WASHC2A: variants seen among roughly 807,000 people sequenced by gnomAD.
WASHC2A encodes WASH complex subunit 2A, also known as WASH complex subunit FAM21A.
Under a neutral mutation model 140.3 loss-of-function variants are expected in WASHC2A, and 82 were observed. The observed-to-expected ratio is 0.58, with a 90% CI of 0.49 to 0.70. The LOEUF (loss-of-function observed/expected upper bound fraction) is 0.70, where lower values mean the gene tolerates loss of function less well. Ranked by LOEUF, WASHC2A falls within the 30% of genes least tolerant of loss-of-function variation. The pLI is 0.00. For missense variants in WASHC2A, 985 were observed against 1,521.8 expected (o/e 0.65, Z 5.87); for synonymous variants, 340 against 560.8 (o/e 0.61, Z 5.56).
At position 50,126,192 on chromosome 10, in the gene WASHC2A, C is replaced by T. The variant is rs1335488438; in HGVS notation, c.2811+13C>T. 1 of 1,612,968 alleles carries T rather than the reference C, an allele frequency of 6.2e-7. No homozygotes were observed. The highest frequency in any genetic ancestry group is 8.5e-7 in the Non-Finnish European group (1 of 1,179,696). ...GGAAACACCTCAGGTTAGAAATCCT[C>T]TTTAAGGATTTTCAGCTCTTGTTTG... is the stretch of plus-strand genomic sequence containing the variant. On this transcript the variant is annotated intron_variant, in intron 26 of 30. Coordinates refer to ENST00000282633, the MANE Select transcript of WASHC2A (RefSeq NM_001005751.3).
intron 21 of WASHC2A, 58 bp from the exon 22 acceptor site, chr10:50,117,848 A>C (rs1357512629): frequency 1.0e-6 from 1 of 992,386 alleles, no homozygotes; most frequent in African/African-American, 1.6e-5. Flanking sequence ...GTATATGGCC[A>C]TGCTGGTCAG....
At chr10:50,075,462 C>G (rs1407564591) in intron 3 of WASHC2A, among the ~76,000 whole-genome samples, 2 of 152,000 alleles carry the variant, frequency 1.3e-5, no homozygotes, top group African/African-American at 4.8e-5. Flanking sequence ...GGCTGGAGTT[C>G]AGTGGTGGAG....
At chr10:50,128,939 C>G (rs1336872618) in intron 28 of WASHC2A, among the ~76,000 whole-genome samples, 1 of 151,674 alleles carries the variant, frequency 6.6e-6, no homozygotes, top group African/African-American at 2.4e-5. Flanking sequence ...TAGATTACCT[C>G]TCTTTATTGT....
chr10:50,090,317 T>C (rs2669829), intron 8 of WASHC2A, among the ~76,000 whole-genome samples: 92,927 of 146,668 alleles, frequency 0.63, 29,695 homozygotes, highest in Middle Eastern at 0.72. Flanking sequence ...GCCTAGACAA[T>C]ATGGTGAAAC....
At chr10:50,082,461 G>C (rs1838989587) in intron 5 of WASHC2A, among the ~76,000 whole-genome samples, 1 of 143,864 alleles carries the variant, frequency 7.0e-6, no homozygotes, top group Admixed American at 7.2e-5. Flanking sequence ...GCTGTGCAAG[G>C]GTGGAGCACT....
At position 50,129,937 on chromosome 10, in the gene WASHC2A, G is replaced by T. The variant is rs1843791351; in HGVS notation, c.3606G>T (p.Leu1202=). The T allele has an allele frequency of 1.2e-6, 2 of 1,611,814 alleles. No homozygotes were observed. Among genetic ancestry groups the T allele is most frequent in the South Asian group, 2.2e-5 (2 of 90,980 alleles). Residue 1202 remains leucine (L), a synonymous_variant, in exon 29 of 31, where the codon CTG becomes CTT. Coordinates refer to ENST00000282633, the MANE Select transcript of WASHC2A (RefSeq NM_001005751.3). Reference sequence around the variant, plus strand: ...AGAAAACAAATCCCTTTCCTCTCCTGGAAGATGAGGATGACCTCTTTACAG... The same window carrying T: ...AGAAAACAAATCCCTTTCCTCTCCTTGAAGATGAGGATGACCTCTTTACAG... ...PAKKTNPFPL[L]EDEDDLFTDQ...
chr10:50,088,219 G>T (rs1839561632), intron 8 of WASHC2A, among the ~76,000 whole-genome samples: 1 of 147,640 alleles, frequency 6.8e-6, no homozygotes, highest in Non-Finnish European at 1.5e-5. Flanking sequence ...ATAAGGGAAA[G>T]GGTTTATTTC....
chr10:50,092,437 C>G (rs1840021071), intron 11 of WASHC2A, among the ~76,000 whole-genome samples: 1 of 152,158 alleles, frequency 6.6e-6, no homozygotes, highest in Non-Finnish European at 1.5e-5. Flanking sequence ...GCGGGCGGAT[C>G]ATGAGGTCAG....
At chr10:50,111,324 A>G (rs1842272165) in intron 20 of WASHC2A, among the ~76,000 whole-genome samples, 1 of 148,178 alleles carries the variant, frequency 6.7e-6, no homozygotes, top group South Asian at 2.2e-4. Flanking sequence ...CTTGTCAAGC[A>G]TCACCATTTC....
In WASHC2A at chr10:50,086,056, G is replaced by A. The variant is rs1839347535; in HGVS notation, c.684+498G>A. 1.4e-5 allele frequency among the ~76,000 whole-genome samples: 2 copies of A among 143,880 alleles called. 1 individual carries two copies. Among genetic ancestry groups the A allele is most frequent in the African/African-American group, 5.0e-5 (2 of 40,364 alleles). 94.4% of individuals were successfully genotyped at this position (143,880 alleles called of 152,430 possible). On this transcript the variant is annotated intron_variant, in intron 7 of 30. Transcript: ENST00000282633. The stretch of plus-strand genomic sequence containing the variant: ...GCATAATTTCATTTCCTTGTCTAGA[G>A]TTTGAGTTTGTGGGCCTTGACTACA...
intron 2 of WASHC2A, among the ~76,000 whole-genome samples, chr10:50,068,528 AT>A (rs1837504905): frequency 6.6e-6 from 1 of 151,434 alleles, no homozygotes; most frequent in Admixed American, 6.6e-5. Context: ...TAGGGAGGCG[AT>A]TCCTGTTGGG....
chr10:50,070,899 C>T (rs1177885042), intron 3 of WASHC2A, among the ~76,000 whole-genome samples: 3 of 80,830 alleles, frequency 3.7e-5, no homozygotes, highest in South Asian at 5.5e-4. Context: ...GGCATGGTGG[C>T]GCATGCCTGT....
intron 3 of WASHC2A, among the ~76,000 whole-genome samples, chr10:50,076,900 G>A (rs1247418595): frequency 2.7e-5 from 4 of 149,124 alleles, no homozygotes; most frequent in African/African-American, 5.1e-5. Flanking sequence ...GGCGAATCAC[G>A]AGGTCAGATT....
intron 26 of WASHC2A, chr10:50,126,413 A>G: frequency 4.5e-6 from 2 of 440,424 alleles, no homozygotes; most frequent in African/African-American, 2.0e-5. Context: ...ATGCCATGCC[A>G]GATTTAACTC....
chr10:50,071,516 A>G (rs1446493322), intron 3 of WASHC2A, among the ~76,000 whole-genome samples: 1 of 152,000 alleles, frequency 6.6e-6, no homozygotes, highest in Non-Finnish European at 1.5e-5. Flanking sequence ...CGAGTTAGCC[A>G]GGATGATCTC....
chr10:50,129,457 C>A lies in WASHC2A; in HGVS notation c.3126C>A (p.Thr1042=). 3 of 1,611,936 alleles carry A rather than the reference C, an allele frequency of 1.9e-6. No individual in the cohort carries two copies. The highest frequency in any genetic ancestry group is 1.7e-6 in the Non-Finnish European group (2 of 1,179,870). Residue 1042 remains threonine, a synonymous_variant, in exon 29 of 31, where the codon ACC becomes ACA. Transcript: ENST00000282633. ...VKMRGKRRPQ[T]RAARRLAAQE... ...TGAGAGGGAAGCGTAGACCGCAGAC[C>A]CGTGCAGCTAGGCGGCTGGCTGCTC...
At chr10:50,104,554 A>T (rs1307048101) in intron 18 of WASHC2A, among the ~76,000 whole-genome samples, 1 of 151,820 alleles carries the variant, frequency 6.6e-6, no homozygotes, top group Non-Finnish European at 1.5e-5. Context: ...ACAGGGTTTC[A>T]CCATGTTGGC....
chr10:50,108,906 A>C (rs1402778395), intron 19 of WASHC2A, among the ~76,000 whole-genome samples: 1 of 151,252 alleles, frequency 6.6e-6, no homozygotes, highest in African/African-American at 2.4e-5. Flanking sequence ...AAAAAAAAAA[A>C]AAAAAAGAAG....
intron 27 of WASHC2A, 93 bp from the exon 28 acceptor site, chr10:50,127,490 C>T (rs1843536539): frequency 6.2e-7 from 1 of 1,611,864 alleles, no homozygotes; most frequent in African/African-American, 1.3e-5. Context: ...TCGTATTATA[C>T]ATTATGTGCA....
Sources: allele counts gnomAD v4.1 joint callset (sites outside exome capture counted in the v4.1 genomes callset), GRCh38; gene constraint gnomAD v4.1.1; transcripts MANE v1.5; gene names NCBI Gene and HGNC (gene_info 2026-07-23, HGNC 2026-07-21).